The following TPH2 variants were observed in gnomAD, a reference collection of about 807,000 sequenced individuals.
TPH2 encodes tryptophan 5-hydroxylase 2.
Under a neutral mutation model 59.1 loss-of-function variants are expected in TPH2, and 27 were observed. That is an observed-to-expected ratio of 0.46 (90% confidence interval 0.34 to 0.63). The LOEUF is 0.63. TPH2 is among the 30% of genes least tolerant of loss of function. The pLI is 0.01. For missense variants in TPH2, 523 were observed against 588.3 expected (o/e 0.89, Z 1.15); for synonymous variants, 220 against 210.5 (o/e 1.05, Z -0.39).
At chr12:71,982,597 T>C (rs1036855840) in intron 7 of TPH2, among the ~76,000 whole-genome samples, 2 of 152,254 alleles carry the variant, frequency 1.3e-5, no homozygotes, top group African/African-American at 4.8e-5. Flanking sequence ...GGCTGTTTCC[T>C]GCCCAAGCAC....
chr12:71,943,144 A>C (rs561084167), intron 2 of TPH2, among the ~76,000 whole-genome samples: 1 of 152,340 alleles, frequency 6.6e-6, no homozygotes, highest in Non-Finnish European at 1.5e-5. Flanking sequence ...GCCAACTGAA[A>C]AAACATGCAT....
intron 4 of TPH2, among the ~76,000 whole-genome samples, chr12:71,947,867 A>T (rs1871238635): frequency 6.6e-6 from 1 of 152,176 alleles, no homozygotes; most frequent in African/African-American, 2.4e-5. Context: ...GAGGCAGTTG[A>T]GATTCTTCAG....
chr12:72,004,788 T>C (rs1566156701), intron 8 of TPH2, among the ~76,000 whole-genome samples: 1 of 152,198 alleles, frequency 6.6e-6, no homozygotes, highest in East Asian at 1.9e-4. Flanking sequence ...TATCAAACTA[T>C]AGGGATTTAA....
chr12:71,978,177 T>C lies in TPH2; in HGVS notation c.806-775T>C, dbSNP rs1256522858. 2.6e-5 allele frequency among the ~76,000 whole-genome samples: 4 copies of C among 151,506 alleles called. No homozygotes were observed. The East Asian group carries it at 7.7e-4, about 29-fold the overall frequency. On this transcript the variant is annotated intron_variant, in intron 6 of 10. Coordinates refer to ENST00000333850, the MANE Select transcript of TPH2 (RefSeq NM_173353.4). ...AGAATGTATCCCCATTGTTAAGCAA[T>C]GCACGACTCTATACAACATTTTAAT...
chr12:71,978,873 T>C, intron 6 of TPH2, 79 bp from the exon 7 acceptor site: 1 of 1,569,242 alleles, frequency 6.4e-7, no homozygotes. Context: ...ATCTTCCTTA[T>C]AAATAGTAGA....
At position 71,949,654 on chromosome 12, in the gene TPH2, T is replaced by A; in HGVS notation, c.607T>A (p.Tyr203Asn). ...TGTGGATGTGGCCATGGGTTATAAA[T>A]AGTAAGTACCTGTATAACTCTTTCT... ...YFVDVAMGYK[Y>N]GQPIPRVEYT... Residue 203 changes from tyrosine (Y) to asparagine (N), a missense_variant and splice_region_variant, in exon 5 of 11, where the codon TAT becomes AAT. Tyr to Asn is a moderately radical substitution (Grantham distance 143). Transcript: ENST00000333850. The A allele has an allele frequency of 2.5e-6, 4 of 1,611,258 alleles. No homozygotes were observed. The highest frequency in any genetic ancestry group is 3.4e-6 in the Non-Finnish European group (4 of 1,177,552).
chr12:71,964,443 C>T (rs1050946638), intron 5 of TPH2: 19 of 941,282 alleles, frequency 2.0e-5, no homozygotes, highest in South Asian at 9.8e-5. Flanking sequence ...CCACCATGCC[C>T]GGTTAATTTT....
At chr12:71,941,093 C>T (rs889879511) in intron 1 of TPH2, among the ~76,000 whole-genome samples, 2 of 152,054 alleles carry the variant, frequency 1.3e-5, no homozygotes, top group Admixed American at 1.3e-4. Context: ...TGGGCATGTG[C>T]TGACATATTT....
At chr12:72,022,627 C>T (rs145055673) in intron 9 of TPH2, 133 bp downstream of exon 9, 126 of 792,556 alleles carry the variant, frequency 1.6e-4, no homozygotes, top group East Asian at 1.6e-3. Context: ...TTTGGCACCT[C>T]GGATGTGGGT....
chr12:72,015,315 GTTTTTTTTTT>G (rs869231666), intron 8 of TPH2, among the ~76,000 whole-genome samples: 2 of 98,952 alleles, frequency 2.0e-5, no homozygotes, highest in African/African-American at 3.9e-5. Context: ...TTTTTTGGTT[GTTTTTTTTTT>G]TTTTTTTTTT....
chr12:71,938,847 A>T lies in TPH2; in HGVS notation c.-140A>T. 5.4e-6 allele frequency: 4 copies of T among 738,056 alleles called. No homozygotes were observed. The highest frequency in any genetic ancestry group is 4.3e-5 in the South Asian group (3 of 69,292). The allele number at this position is 738,056 out of a possible 1,614,324, so 45.7% of individuals were successfully genotyped here. ...GGAGCCCGGGGATGGGAGGATTCGC[A>T]TTGCTCTTCAGCACCAGGGTTCTGG... On this transcript the variant is annotated 5_prime_UTR_variant, in exon 1 of 11. Coordinates refer to ENST00000333850, the MANE Select transcript of TPH2 (RefSeq NM_173353.4).
At chr12:72,020,068 G>A (rs1401521625) in intron 8 of TPH2, among the ~76,000 whole-genome samples, 1 of 152,180 alleles carries the variant, frequency 6.6e-6, no homozygotes. Flanking sequence ...TCAGACAATA[G>A]TCTAGATCAG....
At chr12:71,967,207 T>C (rs1319117204) in intron 5 of TPH2, among the ~76,000 whole-genome samples, 1 of 152,190 alleles carries the variant, frequency 6.6e-6, no homozygotes, top group African/African-American at 2.4e-5. Flanking sequence ...TCAATTAGAT[T>C]TGTCTATGCA....
chr12:71,998,051 T>G (rs1035602186), intron 8 of TPH2, among the ~76,000 whole-genome samples: 1 of 152,222 alleles, frequency 6.6e-6, no homozygotes, highest in African/African-American at 2.4e-5. Context: ...AGTCTTATGA[T>G]GACTTTGAAA....
rs551511143 is a variant in TPH2 at position 71,977,320 on chromosome 12, G to A, written c.806-1632G>A. Among the ~76,000 whole-genome samples, 7 of 152,122 alleles carry A rather than the reference G, an allele frequency of 4.6e-5. No homozygotes were observed. The East Asian group carries it at 1.2e-3, about 25-fold the overall frequency. ...CATCCACCCACCTTGGCCTCCTAAA[G>A]TACTGGTATTACAGGTGTGAGCCAC... On this transcript the variant is annotated intron_variant, in intron 6 of 10. Transcript: ENST00000333850.
At chr12:71,959,882 G>T (rs558717539) in intron 5 of TPH2, among the ~76,000 whole-genome samples, 1 of 152,228 alleles carries the variant, frequency 6.6e-6, no homozygotes, top group African/African-American at 2.4e-5. Context: ...TGAATTGTAG[G>T]CTCTACTGTG....
chr12:71,942,348 A>G (rs1174999165), intron 2 of TPH2, among the ~76,000 whole-genome samples: 2 of 152,202 alleles, frequency 1.3e-5, no homozygotes, highest in African/African-American at 4.8e-5. Context: ...ATGAGGCTGG[A>G]AAAGCCCAGA....
intron 1 of TPH2, among the ~76,000 whole-genome samples, chr12:71,939,293 C>G (rs1870988043): frequency 6.6e-6 from 1 of 150,726 alleles, no homozygotes; most frequent in African/African-American, 2.4e-5. Context: ...CCAATCACTG[C>G]GTGCTCAACT....
intron 5 of TPH2, among the ~76,000 whole-genome samples, chr12:71,957,255 CAT>C (rs1487950591): frequency 1.3e-5 from 2 of 150,776 alleles, no homozygotes; most frequent in East Asian, 2.0e-4. Context: ...TTATTAGTGT[CAT>C]GTGGTAAATA....
Sources: gnomAD v4.1 joint callset for allele counts (sites outside exome capture counted in the v4.1 genomes callset) on GRCh38, gnomAD v4.1.1 for gene constraint, MANE v1.5 for transcripts, NCBI Gene and HGNC (gene_info 2026-07-23, HGNC 2026-07-21) for gene names.